Variants in DPYD observed in about 807,000 individuals in gnomAD.
DPYD encodes the protein dihydropyrimidine dehydrogenase.
DPYD carries 109 observed loss-of-function variants against 116.2 expected under a neutral mutation model. The ratio of observed to expected loss-of-function variants is 0.94; its 90% confidence interval spans 0.80 to 1.10. The LOEUF (loss-of-function observed/expected upper bound fraction) is 1.10, where lower values mean the gene tolerates loss of function less well. Ranked by LOEUF, DPYD falls within the 50% of genes least tolerant of loss-of-function variation. The probability of loss-of-function intolerance (pLI) is 0.00; values close to 1 mark genes in which losing one functional copy is unlikely to be tolerated. For missense variants in DPYD, 1,302 were observed against 1,254.5 expected (o/e 1.04, Z -0.57); for synonymous variants, 440 against 432.0 (o/e 1.02, Z -0.23).
chr1:97,411,076 C>T (rs539648217), intron 14 of DPYD, among the ~76,000 whole-genome samples: 1 of 152,260 alleles, frequency 6.6e-6, no homozygotes, highest in African/African-American at 2.4e-5. Flanking sequence ...CCTGAATGGT[C>T]TAAAGGGCAT....
At chr1:97,894,998 T>C (rs1040994541) in intron 1 of DPYD, among the ~76,000 whole-genome samples, 8 of 151,762 alleles carry the variant, frequency 5.3e-5, no homozygotes, top group Non-Finnish European at 8.8e-5. Context: ...GACAGAATTA[T>C]GTGAAAAGAA....
At chr1:97,765,905 A>C (rs1209253565) in intron 3 of DPYD, among the ~76,000 whole-genome samples, 1 of 152,208 alleles carries the variant, frequency 6.6e-6, no homozygotes, top group Non-Finnish European at 1.5e-5. Context: ...TGAAATGATC[A>C]TGTGTGCTGG....
intron 2 of DPYD, among the ~76,000 whole-genome samples, chr1:97,843,515 T>C (rs1020439096): frequency 2.0e-5 from 3 of 152,154 alleles, no homozygotes; most frequent in South Asian, 4.1e-4. Flanking sequence ...CATTACAATA[T>C]TGACTGTGTG....
At chr1:97,368,577 T>C (rs760875952) in intron 16 of DPYD, among the ~76,000 whole-genome samples, 15 of 152,176 alleles carry the variant, frequency 9.9e-5, no homozygotes, top group Non-Finnish European at 1.5e-4. Context: ...ACTCCATTTA[T>C]AGCTCCTGGG....
chr1:97,242,398 T>G (rs1402169123), intron 18 of DPYD, among the ~76,000 whole-genome samples: 1 of 151,182 alleles, frequency 6.6e-6, no homozygotes, highest in Non-Finnish European at 1.5e-5. Flanking sequence ...TGTTAAGAGT[T>G]AATCACAAGT....
chr1:97,314,200 T>A (rs1667680773), intron 16 of DPYD, among the ~76,000 whole-genome samples: 1 of 151,880 alleles, frequency 6.6e-6, no homozygotes, highest in African/African-American at 2.4e-5. Context: ...ATCCTTTCTG[T>A]CTGAACCTTT....
chr1:97,582,327 T>C (rs1040815232), intron 10 of DPYD, among the ~76,000 whole-genome samples: 9 of 152,188 alleles, frequency 5.9e-5, no homozygotes, highest in African/African-American at 2.2e-4. Context: ...GAGTTTGTTT[T>C]TAATTGTATC....
intron 1 of DPYD, among the ~76,000 whole-genome samples, chr1:97,897,323 A>G (rs1229012721): frequency 6.6e-6 from 1 of 151,894 alleles, no homozygotes; most frequent in Non-Finnish European, 1.5e-5. Context: ...CGCTCTGAAG[A>G]TAAACTCTTT....
At chr1:97,146,246 G>GT (rs1459262063) in intron 20 of DPYD, among the ~76,000 whole-genome samples, 2 of 152,158 alleles carry the variant, frequency 1.3e-5, no homozygotes, top group Admixed American at 1.3e-4. Context: ...ATGTTGACAA[G>GT]TAGAGAGAGT....
intron 20 of DPYD, among the ~76,000 whole-genome samples, chr1:97,187,219 TC>T (rs1375767711): frequency 6.6e-6 from 1 of 152,176 alleles, no homozygotes; most frequent in African/African-American, 2.4e-5. Context: ...CCCTTTTTTT[TC>T]CCACATCCTC....
chr1:97,719,325 A>G (rs1395120953), intron 5 of DPYD, among the ~76,000 whole-genome samples: 1 of 151,934 alleles, frequency 6.6e-6, no homozygotes, highest in Non-Finnish European at 1.5e-5. Context: ...ATGGCAGACT[A>G]CTGAGTTGGT....
intron 2 of DPYD, among the ~76,000 whole-genome samples, chr1:97,849,520 C>T (rs887835122): frequency 1.5e-4 from 22 of 150,522 alleles, no homozygotes; most frequent in Admixed American, 7.3e-4. Flanking sequence ...TTTTCGCCAG[C>T]TGAGAAAACG....
chr1:97,722,032 T>C (rs1285284134), intron 4 of DPYD, among the ~76,000 whole-genome samples: 1 of 151,744 alleles, frequency 6.6e-6, no homozygotes, highest in African/African-American at 2.4e-5. Flanking sequence ...TGGCATTGTT[T>C]GAACAAACTC....
intron 18 of DPYD, among the ~76,000 whole-genome samples, chr1:97,267,978 C>T (rs1180890636): frequency 1.3e-5 from 2 of 152,032 alleles, no homozygotes; most frequent in African/African-American, 2.4e-5. Context: ...TCTGGGAAAT[C>T]GAACAAGTTA....
chr1:97,215,492 T>C (rs1458351253), intron 19 of DPYD, among the ~76,000 whole-genome samples: 1 of 152,178 alleles, frequency 6.6e-6, no homozygotes, highest in Non-Finnish European at 1.5e-5. Flanking sequence ...TTCAAGAATG[T>C]ATGGTTGTTG....
chr1:97,100,572 T>G (rs973549088), intron 20 of DPYD, among the ~76,000 whole-genome samples: 1 of 152,094 alleles, frequency 6.6e-6, no homozygotes, highest in Non-Finnish European at 1.5e-5. Flanking sequence ...CATGGTTCTC[T>G]GTTTGGACTT....
chr1:97,696,695 C>T, intron 6 of DPYD, among the ~76,000 whole-genome samples: 1 of 152,028 alleles, frequency 6.6e-6, no homozygotes, highest in East Asian at 1.9e-4. Flanking sequence ...CTTCTATTTT[C>T]ATGTTTCTTT....
At position 97,422,274 on chromosome 1, in the gene DPYD, C is replaced by T. The variant is rs572226764; in HGVS notation, c.1905+27785G>A. 8.6e-5 allele frequency among the ~76,000 whole-genome samples: 13 copies of T among 151,976 alleles called. No individual in the cohort carries two copies. The South Asian group carries it at 1.2e-3, about 15-fold the overall frequency. On this transcript the variant is annotated intron_variant, in intron 14 of 22. Coordinates refer to ENST00000370192, the MANE Select transcript of DPYD (RefSeq NM_000110.4). Reference sequence around the variant, plus strand: ...TCAAATAAAATAATGCACTTATTAGCGAGAGTTTTACAATTAAAGGGAAGA... The same window carrying T: ...TCAAATAAAATAATGCACTTATTAGTGAGAGTTTTACAATTAAAGGGAAGA...
At chr1:97,394,862 C>T (rs1672925208) in intron 14 of DPYD, among the ~76,000 whole-genome samples, 1 of 151,966 alleles carries the variant, frequency 6.6e-6, no homozygotes, top group Admixed American at 6.6e-5. Context: ...TAAGAAATCT[C>T]AGGTAGTTCA....
Sources: allele counts gnomAD v4.1 joint callset (sites outside exome capture counted in the v4.1 genomes callset), GRCh38; gene constraint gnomAD v4.1.1; transcripts MANE v1.5; gene names NCBI Gene and HGNC (gene_info 2026-07-23, HGNC 2026-07-21).